The following COL17A1 variants were observed in gnomAD, a reference collection of about 807,000 sequenced individuals.
COL17A1 encodes collagen alpha-1(XVII) chain.
In COL17A1, 181 loss-of-function variants were observed where a neutral mutation model predicts 218.4. That is an observed-to-expected ratio of 0.83 (90% CI 0.73 to 0.94). The LOEUF (loss-of-function observed/expected upper bound fraction) is 0.94, where lower values mean the gene tolerates loss of function less well. Ranked by LOEUF, COL17A1 falls within the 40% of genes least tolerant of loss-of-function variation. The pLI, the probability that COL17A1 is intolerant of heterozygous loss-of-function variation, is 0.00. For synonymous variants in COL17A1, 721 were observed against 731.0 expected (o/e 0.99, Z 0.22); for missense variants, 1,924 against 1,945.9 (o/e 0.99, Z 0.21).
Position 104,038,476 on chromosome 10 carries a change from G to A in COL17A1, c.3000C>T (p.Pro1000=). The A allele has an allele frequency of 6.2e-7, 1 of 1,613,104 alleles. No homozygotes were observed. The highest frequency in any genetic ancestry group is 1.1e-5 in the South Asian group (1 of 90,972). ...TGCTGATAGAGCCCGGAGGCCCAGG[G>A]GGCCCAGGGGGCCCTGGCGGGCCTG... ...YVSGPPGPPG[P]PGPPGSISSS... Residue 1000 remains proline (P), a synonymous_variant, in exon 45 of 56, where the codon CCC becomes CCT. Transcript: ENST00000648076.
intron 34 of COL17A1, 72 bp downstream of exon 34, chr10:104,043,753 C>A: frequency 1.9e-6 from 3 of 1,584,142 alleles, no homozygotes; most frequent in Non-Finnish European, 2.6e-6. Flanking sequence ...CTGCCCAGAA[C>A]GCTGCAGAGT....
At chr10:104,034,598 G>C (rs775854368) in intron 51 of COL17A1, 23 bp downstream of exon 51, 10 of 1,606,306 alleles carry the variant, frequency 6.2e-6, no homozygotes, top group Non-Finnish European at 8.5e-6. Flanking sequence ...TGCCTGGTGG[G>C]GCATCACCGT....
chr10:104,071,607 C>G (rs991246781), intron 8 of COL17A1, among the ~76,000 whole-genome samples: 1 of 152,172 alleles, frequency 6.6e-6, no homozygotes, highest in East Asian at 1.9e-4. Context: ...TTGCTTTGAA[C>G]TGTTCCTTCG....
rs1311466399 is a variant in COL17A1, at chr10:104,059,054, C to T, written c.1222+584G>A. On this transcript the variant is annotated intron_variant, in intron 15 of 55. Transcript: ENST00000648076. ...TGAAAAGGATCTTTTGACTCCACAG[C>T]CCTAGACCTACCCCTAAAATGTCAG... Among the ~76,000 whole-genome samples the T allele has an allele frequency of 3.9e-5, 6 of 152,310 alleles. No homozygotes were observed. In the East Asian group the frequency reaches 9.6e-4, roughly 24 times the overall value.
chr10:104,073,344 A>G, intron 6 of COL17A1, 99 bp from the exon 7 acceptor site: 2 of 1,041,168 alleles, frequency 1.9e-6, no homozygotes, highest in Non-Finnish European at 3.0e-6. Context: ...GGTTACTTTC[A>G]TAGTGTGTCT....
chr10:104,058,212 C>T, intron 15 of COL17A1, 22 bp from the exon 16 acceptor site: 2 of 1,614,140 alleles, frequency 1.2e-6, no homozygotes, highest in Non-Finnish European at 1.7e-6. Flanking sequence ...AACAGATTGA[C>T]CTGAGCTTTT....
rs181697810 is a variant in COL17A1 at position 104,052,086 on chromosome 10, T to C, written c.2002+69A>G. The C allele has an allele frequency of 1.2e-4, 200 of 1,608,066 alleles. No homozygotes were observed. In the East Asian group the frequency reaches 4.1e-3, roughly 33 times the overall value. ...CTGTCTGGGGTCCCAGGGCCTCTTC[T>C]CTGTGATCCATCCTGAATGTGGCTT... On this transcript the variant is annotated intron_variant, in intron 24 of 55. Coordinates refer to ENST00000648076, the MANE Select transcript of COL17A1 (RefSeq NM_000494.4).
intron 1 of COL17A1, among the ~76,000 whole-genome samples, chr10:104,082,090 C>A (rs1413085618): frequency 6.6e-6 from 1 of 152,138 alleles, no homozygotes; most frequent in Non-Finnish European, 1.5e-5. Context: ...GCTTCAGGCC[C>A]TAGTAAATGT....
At chr10:104,068,736 G>C (rs1277521606) in intron 9 of COL17A1, among the ~76,000 whole-genome samples, 1 of 152,226 alleles carries the variant, frequency 6.6e-6, no homozygotes, top group Non-Finnish European at 1.5e-5. Flanking sequence ...AACTATAGAA[G>C]CTGTGGGGAA....
intron 23 of COL17A1, 145 bp downstream of exon 23, chr10:104,052,886 T>C (rs556719293): frequency 3.1e-4 from 314 of 1,026,242 alleles, no homozygotes; most frequent in Non-Finnish European, 4.5e-4. Flanking sequence ...CTGCAGGGCC[T>C]AGCACAGACC....
chr10:104,051,190 G>A (rs1327823788), intron 25 of COL17A1, among the ~76,000 whole-genome samples: 1 of 152,168 alleles, frequency 6.6e-6, no homozygotes, highest in Non-Finnish European at 1.5e-5. Flanking sequence ...TGTGGCCATA[G>A]GGGACAAGAG....
chr10:104,046,841 A>G, intron 31 of COL17A1, 68 bp from the exon 32 acceptor site: 3 of 1,444,396 alleles, frequency 2.1e-6, no homozygotes, highest in Non-Finnish European at 2.9e-6. Flanking sequence ...CCACACCCAC[A>G]CCTGCAGAAA....
In COL17A1 at chr10:104,067,843, T is replaced by TA. The variant is rs568457390; in HGVS notation, c.607+2582dup. Among the ~76,000 whole-genome samples the TA allele has an allele frequency of 7.6e-4, 107 of 140,566 alleles. 1 individual carries two copies. In the South Asian group the frequency reaches 9.3e-3, roughly 12 times the overall value. 92.2% of individuals were successfully genotyped at this position (140,566 alleles called of 152,430 possible). A position where few individuals can be genotyped will look rare whatever the true frequency, so the allele number is the denominator to read the frequency against. On this transcript the variant is annotated intron_variant, in intron 9 of 55. Coordinates refer to ENST00000648076, the MANE Select transcript of COL17A1 (RefSeq NM_000494.4). ...ACAGGGATGACAGAGACAGAGAGAT[T>TA]AAAAAAAAAGAAAAAAGAAAATAAG...
intron 4 of COL17A1, among the ~76,000 whole-genome samples, chr10:104,076,740 G>A (rs1294987098): frequency 6.6e-6 from 1 of 152,206 alleles, no homozygotes; most frequent in East Asian, 1.9e-4. Context: ...ACAGGTAAGG[G>A]CAGGTGTTTC....
At chr10:104,038,204 A>T (rs145509693) in intron 45 of COL17A1, among the ~76,000 whole-genome samples, 1 of 150,900 alleles carries the variant, frequency 6.6e-6, no homozygotes, top group Non-Finnish European at 1.5e-5. Flanking sequence ...CAGGGGGAAG[A>T]CCTGGGCCTG....
chr10:104,033,877 G>T, intron 52 of COL17A1, 68 bp downstream of exon 52: 1 of 1,607,990 alleles, frequency 6.2e-7, no homozygotes, highest in Admixed American at 1.7e-5. Context: ...CCACAAACAA[G>T]AAAGCCAGTC....
intron 11 of COL17A1, 43 bp from the exon 12 acceptor site, chr10:104,062,372 G>T (rs1192193391): frequency 1.2e-6 from 2 of 1,613,560 alleles, no homozygotes; most frequent in Admixed American, 3.3e-5. Flanking sequence ...GGAGCACGGG[G>T]GATGCCCCCT....
Position 104,072,086 on chromosome 10 carries a change from A to G in COL17A1, c.416-7T>C. The G allele has an allele frequency of 1.9e-6, 3 of 1,614,080 alleles. No individual in the cohort carries two copies. Among genetic ancestry groups the G allele is most frequent in the Non-Finnish European group, 2.5e-6 (3 of 1,180,010 alleles). ...CGAACTCGAATTTCACTCTCTGTACAAGGGAAGAGATAGAGAAGGGTGTGA... is the reference window on the plus strand; with the variant it reads ...CGAACTCGAATTTCACTCTCTGTACGAGGGAAGAGATAGAGAAGGGTGTGA... On this transcript the variant is annotated splice_polypyrimidine_tract_variant and splice_region_variant and intron_variant, in intron 7 of 55. Coordinates refer to ENST00000648076, the MANE Select transcript of COL17A1 (RefSeq NM_000494.4).
At chr10:104,049,354 C>T (rs2086444812) in intron 29 of COL17A1, 55 bp downstream of exon 29, 14 of 1,526,078 alleles carry the variant, frequency 9.2e-6, no homozygotes, top group Admixed American at 3.3e-5. Flanking sequence ...TCTCCAGGGT[C>T]GTGGTGACCC....
Sources: allele counts gnomAD v4.1 joint callset (sites outside exome capture counted in the v4.1 genomes callset), GRCh38; gene constraint gnomAD v4.1.1; transcripts MANE v1.5; gene names NCBI Gene and HGNC (gene_info 2026-07-23, HGNC 2026-07-21).